C1orf21: variants seen among roughly 807,000 people sequenced by gnomAD.
C1orf21 encodes chromosome 1 open reading frame 21, also known as uncharacterized protein C1orf21.
Under a neutral mutation model 18.7 loss-of-function variants are expected in C1orf21, and 3 were observed. The ratio of observed to expected loss-of-function variants is 0.16; its 90% confidence interval spans 0.07 to 0.42. C1orf21 has a LOEUF of 0.42. Ranked by LOEUF, C1orf21 falls within the 10% of genes least tolerant of loss-of-function variation. The pLI is 0.99. For synonymous variants in C1orf21, 41 were observed against 46.4 expected (o/e 0.88, Z 0.47); for missense variants, 104 against 143.6 (o/e 0.72, Z 1.41).
chr1:184,474,873 C>T (rs909194131), intron 1 of C1orf21, among the ~76,000 whole-genome samples: 3 of 152,262 alleles, frequency 2.0e-5, no homozygotes, highest in East Asian at 3.9e-4. Context: ...TGGGAGCCCA[C>T]GCCTGTTACC....
chr1:184,610,006 T>C (rs772345835), intron 5 of C1orf21, among the ~76,000 whole-genome samples: 2 of 152,242 alleles, frequency 1.3e-5, no homozygotes, highest in Admixed American at 6.5e-5. Context: ...AAATTATCCC[T>C]GCTGTTTGAG....
chr1:184,428,476 T>G (rs1656680272), intron 1 of C1orf21, among the ~76,000 whole-genome samples: 1 of 152,128 alleles, frequency 6.6e-6, no homozygotes, highest in Non-Finnish European at 1.5e-5. Flanking sequence ...CAGCTTCAGA[T>G]GGGAGAGAGA....
At position 184,486,654 on chromosome 1, in the gene C1orf21, G is replaced by A. The variant is rs569700205; in HGVS notation, c.94+9051G>A. Reference sequence around the variant, plus strand: ...CCAGCAAAAATTTCTACTTGGAAACGTTTTCTATGACAGAAAGTTAAGAAA... The same window carrying A: ...CCAGCAAAAATTTCTACTTGGAAACATTTTCTATGACAGAAAGTTAAGAAA... On this transcript the variant is annotated intron_variant, in intron 2 of 5. Transcript: ENST00000235307. Among the ~76,000 whole-genome samples the A allele has an allele frequency of 2.7e-3, 404 of 152,118 alleles. 1 individual carries two copies. Among genetic ancestry groups the A allele is most frequent in the African/African-American group, 9.2e-3 (383 of 41,478 alleles).
chr1:184,586,909 GT>G (rs1329379099), intron 3 of C1orf21, among the ~76,000 whole-genome samples: 1 of 152,094 alleles, frequency 6.6e-6, no homozygotes, highest in East Asian at 1.9e-4. Flanking sequence ...AGTTTTTATA[GT>G]TTTGGGTTTT....
At chr1:184,539,727 C>T (rs1251605347) in intron 3 of C1orf21, among the ~76,000 whole-genome samples, 1 of 152,204 alleles carries the variant, frequency 6.6e-6, no homozygotes, top group East Asian at 1.9e-4. Context: ...TATTCCAAAT[C>T]TCCTCCCTCT....
At chr1:184,479,325 C>T (rs1657618018) in intron 2 of C1orf21, among the ~76,000 whole-genome samples, 1 of 152,178 alleles carries the variant, frequency 6.6e-6, no homozygotes, top group African/African-American at 2.4e-5. Context: ...TAACTTCTAC[C>T]TGATGTCCTG....
intron 4 of C1orf21, among the ~76,000 whole-genome samples, chr1:184,597,287 A>C (rs1020435746): frequency 1.3e-5 from 2 of 152,166 alleles, no homozygotes; most frequent in African/African-American, 4.8e-5. Context: ...TTTTCCTTTG[A>C]TAACCGAGTT....
chr1:184,619,519 G>T lies in C1orf21; in HGVS notation c.329G>T (p.Gly110Val). 1 of 1,613,232 alleles carries T rather than the reference G, an allele frequency of 6.2e-7. No homozygotes were observed. Among genetic ancestry groups the T allele is most frequent in the Non-Finnish European group, 8.5e-7 (1 of 1,179,718 alleles). The change falls in exon 6 of 6, where the codon GGT becomes GTT. Residue 110 changes from glycine to valine, a missense_variant and splice_region_variant. Gly to Val is a moderately radical substitution (Grantham distance 109). Transcript: ENST00000235307. The stretch of plus-strand genomic sequence containing the variant: ...CTCTTTTTTCTTTTTCCCTCCAAGG[G>T]TCGGGATTACTGTTCGGAAGAAGAG... ...FRMLDEKIEK[G>V]RDYCSEEEDI... is the part of the protein sequence containing the mutation.
intron 4 of C1orf21, among the ~76,000 whole-genome samples, chr1:184,593,401 T>C (rs1040361059): frequency 1.2e-4 from 18 of 152,230 alleles, no homozygotes; most frequent in African/African-American, 4.3e-4. Context: ...TTACTTTTCC[T>C]ACTTGCTGAC....
At chr1:184,422,638 A>T (rs1028297072) in intron 1 of C1orf21, among the ~76,000 whole-genome samples, 3 of 152,208 alleles carry the variant, frequency 2.0e-5, no homozygotes, top group Admixed American at 1.3e-4. Context: ...AGCCTTGTGA[A>T]AAAATTTTCA....
intron 1 of C1orf21, among the ~76,000 whole-genome samples, chr1:184,464,949 TAAAG>T (rs1004512493): frequency 2.6e-5 from 4 of 152,216 alleles, no homozygotes; most frequent in African/African-American, 9.6e-5. Flanking sequence ...CTCTCTCTTT[TAAAG>T]AGAGAAGGGA....
At chr1:184,530,527 C>G (rs974693351) in intron 3 of C1orf21, among the ~76,000 whole-genome samples, 2 of 149,710 alleles carry the variant, frequency 1.3e-5, no homozygotes, top group Admixed American at 1.3e-4. Flanking sequence ...CTTTTGAGTT[C>G]TTTTTATGCT....
At chr1:184,491,676 C>A (rs1473298081) in intron 2 of C1orf21, among the ~76,000 whole-genome samples, 3 of 152,058 alleles carry the variant, frequency 2.0e-5, no homozygotes, top group African/African-American at 7.2e-5. Flanking sequence ...TTAGCAGTAA[C>A]CGTTATGGTT....
In C1orf21 at chr1:184,619,590, C is replaced by G; in HGVS notation, c.*34C>G. 1 of 1,604,610 alleles carries G rather than the reference C, an allele frequency of 6.2e-7. No homozygotes were observed. The highest frequency in any genetic ancestry group is 8.5e-7 in the Non-Finnish European group (1 of 1,173,028). ...TTACCACTCAAACCAGGAGCTACTA[C>G]TGTGTAAATAGGTTACACCCCAGTT... On this transcript the variant is annotated 3_prime_UTR_variant, in exon 6 of 6. Coordinates refer to ENST00000235307, the MANE Select transcript of C1orf21 (RefSeq NM_030806.4).
intron 3 of C1orf21, among the ~76,000 whole-genome samples, chr1:184,554,842 T>G (rs1444138569): frequency 6.6e-6 from 1 of 152,228 alleles, no homozygotes; most frequent in African/African-American, 2.4e-5. Context: ...GTTGGAAGAT[T>G]CTTGAAAATA....
chr1:184,460,649 C>A (rs1161922619), intron 1 of C1orf21, among the ~76,000 whole-genome samples: 10 of 146,074 alleles, frequency 6.8e-5, no homozygotes, highest in African/African-American at 2.5e-4. Flanking sequence ...TCTTCTTCTT[C>A]TTCTTCTTCT....
intron 1 of C1orf21, among the ~76,000 whole-genome samples, chr1:184,398,532 A>G (rs966120345): frequency 1.3e-5 from 2 of 152,174 alleles, no homozygotes; most frequent in African/African-American, 4.8e-5. Context: ...TCTGTACATA[A>G]TAGATTGTCA....
chr1:184,495,225 C>T (rs957369975), intron 2 of C1orf21, among the ~76,000 whole-genome samples: 2 of 152,160 alleles, frequency 1.3e-5, no homozygotes, highest in Non-Finnish European at 2.9e-5. Context: ...CCCCCCGCAA[C>T]ATAGACTCTC....
chr1:184,410,663 A>ATTTTTTTTTTT (rs71297843), intron 1 of C1orf21, among the ~76,000 whole-genome samples: 2 of 7,678 alleles, frequency 2.6e-4, no homozygotes, highest in Non-Finnish European at 1.9e-4. Context: ...ATATATATAT[A>ATTTTTTTTTTT]TTTTTTTTTT....
Sources: allele counts gnomAD v4.1 joint callset (sites outside exome capture counted in the v4.1 genomes callset), GRCh38; gene constraint gnomAD v4.1.1; transcripts MANE v1.5; gene names NCBI Gene and HGNC (gene_info 2026-07-23, HGNC 2026-07-21).